Variants in AKAP7 observed in about 807,000 individuals in gnomAD.
The protein encoded by AKAP7 is A kinase (PRKA) anchor protein 7.
A neutral mutation model predicts 39.5 loss-of-function variants in AKAP7; 39 were observed. That is an observed-to-expected ratio of 0.99 (90% CI 0.76 to 1.29). AKAP7 has a LOEUF of 1.29. Among genes scored for constraint, AKAP7 ranks in the 50% most tolerant of loss-of-function variants. AKAP7 has a pLI of 0.00. For missense variants in AKAP7, 414 were observed against 407.7 expected, an observed-to-expected ratio of 1.02 and a Z score of -0.13; for synonymous variants, 140 against 139.1, an observed-to-expected ratio of 1.01 and a Z score of -0.05.
At chr6:131,225,217 C>A (rs917163106) in intron 7 of AKAP7, among the ~76,000 whole-genome samples, 2 of 152,022 alleles carry the variant, frequency 1.3e-5, no homozygotes, top group Non-Finnish European at 2.9e-5. Flanking sequence ...TGTAGTTGGT[C>A]TTCTGTGGCC....
Position 131,193,011 on chromosome 6 carries a change from A to T in AKAP7, c.590-6450A>T, listed in dbSNP as rs188512969. Among the ~76,000 whole-genome samples, 4 of 152,256 alleles carry T rather than the reference A, an allele frequency of 2.6e-5. No homozygotes were observed. In the East Asian group the frequency reaches 7.7e-4, roughly 29 times the overall value. ...TCTTTGGGTTTTTAAAAAATGTAAG[A>T]TCATATCATCTGCAAACAAGGATAA... On this transcript the variant is annotated intron_variant, in intron 5 of 7. Coordinates refer to ENST00000431975, the MANE Select transcript of AKAP7 (RefSeq NM_016377.4).
chr6:131,241,633 A>ACGTATATATGTGTGTGTGTGTG (rs1554217969), intron 7 of AKAP7, among the ~76,000 whole-genome samples: 1 of 78,770 alleles, frequency 1.3e-5, no homozygotes, highest in African/African-American at 5.0e-5. Flanking sequence ...GTGTGTATAT[A>ACGTATATATGTGTGTGTGTGTG]TATATGACAG....
At chr6:131,267,314 T>C (rs925578380) in intron 7 of AKAP7, among the ~76,000 whole-genome samples, 3 of 151,928 alleles carry the variant, frequency 2.0e-5, no homozygotes, top group Non-Finnish European at 4.4e-5. Flanking sequence ...ACATATCTTA[T>C]GTTTTCCCAT....
At chr6:131,146,152 C>T (rs1010441294) in intron 2 of AKAP7, among the ~76,000 whole-genome samples, 1 of 152,182 alleles carries the variant, frequency 6.6e-6, no homozygotes, top group Admixed American at 6.5e-5. Context: ...TGGGCATTAT[C>T]ACTGCCCCAA....
chr6:131,164,434 C>T (rs550009260), intron 3 of AKAP7: 18 of 455,736 alleles, frequency 3.9e-5, no homozygotes, highest in African/African-American at 3.0e-4. Context: ...AGATGGTGGA[C>T]CAGGTCTGTG....
intron 7 of AKAP7, among the ~76,000 whole-genome samples, chr6:131,278,866 T>A (rs1306011653): frequency 6.6e-6 from 1 of 152,090 alleles, no homozygotes; most frequent in Non-Finnish European, 1.5e-5. Context: ...CAGGAAAGGT[T>A]TCATGGAGTA....
At position 131,135,737 on chromosome 6, in the gene AKAP7, G is replaced by C; in HGVS notation, c.-27G>C. 1 of 1,218,746 alleles carries C rather than the reference G, an allele frequency of 8.2e-7. No individual in the cohort carries two copies. Among genetic ancestry groups the C allele is most frequent in the Non-Finnish European group, 1.0e-6 (1 of 981,608 alleles). 75.5% of individuals were successfully genotyped at this position (1,218,746 alleles called of 1,614,324 possible). ...CGCCACCGCCGCTGCCGCCAGCCCAGACGCGCCGCCCGCATGCGCCGCGAC... is the reference window on the plus strand; with the variant it reads ...CGCCACCGCCGCTGCCGCCAGCCCACACGCGCCGCCCGCATGCGCCGCGAC... On this transcript the variant is annotated 5_prime_UTR_variant, in exon 1 of 8. Transcript: ENST00000431975.
chr6:131,141,471 C>G (rs1451740297), intron 1 of AKAP7, among the ~76,000 whole-genome samples: 1 of 152,124 alleles, frequency 6.6e-6, no homozygotes, highest in African/African-American at 2.4e-5. Flanking sequence ...TAGTAATTAC[C>G]CAGCCTCAGG....
chr6:131,230,952 G>A (rs1810575615), intron 7 of AKAP7, among the ~76,000 whole-genome samples: 1 of 152,084 alleles, frequency 6.6e-6, no homozygotes, highest in African/African-American at 2.4e-5. Context: ...TGGATGGGTA[G>A]GGGTGTTGCC....
intron 7 of AKAP7, among the ~76,000 whole-genome samples, chr6:131,252,824 C>T (rs931458867): frequency 2.0e-5 from 3 of 152,140 alleles, no homozygotes; most frequent in Non-Finnish European, 2.9e-5. Flanking sequence ...ATCTTTGTGT[C>T]ATCTCCTAAT....
intron 5 of AKAP7, chr6:131,184,227 T>C (rs1562193553): frequency 7.2e-6 from 3 of 415,038 alleles, no homozygotes. Flanking sequence ...TCTCTGGACT[T>C]GTGAAGGAGA....
At chr6:131,198,686 A>C (rs1457673476) in intron 5 of AKAP7, among the ~76,000 whole-genome samples, 1 of 152,152 alleles carries the variant, frequency 6.6e-6, no homozygotes, top group Admixed American at 6.5e-5. Context: ...TCCTACTTAT[A>C]GAAGGCCTTG....
Position 131,143,229 on chromosome 6 carries a change from A to G in AKAP7, c.20-2056A>G, listed in dbSNP as rs190403679. Among the ~76,000 whole-genome samples the G allele has an allele frequency of 6.6e-5, 10 of 152,222 alleles. No individual in the cohort carries two copies. The East Asian group carries it at 1.7e-3, about 26-fold the overall frequency. Reference sequence around the variant, plus strand: ...AGGTGGCCAGGGGCAGAATGATAATAGTTTTTATGTTTGTCTCCTCCAAAT... The same window carrying G: ...AGGTGGCCAGGGGCAGAATGATAATGGTTTTTATGTTTGTCTCCTCCAAAT... On this transcript the variant is annotated intron_variant, in intron 1 of 7. Coordinates refer to ENST00000431975, the MANE Select transcript of AKAP7 (RefSeq NM_016377.4).
intron 7 of AKAP7, among the ~76,000 whole-genome samples, chr6:131,241,091 G>A (rs1811515443): frequency 6.6e-6 from 1 of 152,194 alleles, no homozygotes; most frequent in African/African-American, 2.4e-5. Context: ...TAGGGAATGG[G>A]AGCCATCAAC....
intron 6 of AKAP7, among the ~76,000 whole-genome samples, chr6:131,211,505 C>T (rs137897916): frequency 0.018 from 2,723 of 152,040 alleles, 52 homozygotes; most frequent in Middle Eastern, 0.054. Context: ...GTGGCTCACG[C>T]CTGTAATCCC....
intron 5 of AKAP7, among the ~76,000 whole-genome samples, chr6:131,196,997 A>G (rs1021538715): frequency 6.6e-6 from 1 of 152,092 alleles, no homozygotes; most frequent in African/African-American, 2.4e-5. Flanking sequence ...TTCAACCCAC[A>G]TCCCAAAGTA....
chr6:131,190,627 G>A (rs1405096859), intron 5 of AKAP7, among the ~76,000 whole-genome samples: 5 of 151,060 alleles, frequency 3.3e-5, no homozygotes, highest in Admixed American at 6.6e-5. Flanking sequence ...CCTGGGTGAC[G>A]GAGCGAGATT....
At chr6:131,247,409 T>C (rs1812122461) in intron 7 of AKAP7, among the ~76,000 whole-genome samples, 1 of 143,454 alleles carries the variant, frequency 7.0e-6, no homozygotes, top group East Asian at 2.2e-4. Flanking sequence ...CACTGCAACC[T>C]CCACCTCCCA....
At chr6:131,136,682 C>G (rs1800570731) in intron 1 of AKAP7, 1 of 167,540 alleles carries the variant, frequency 6.0e-6, no homozygotes, top group South Asian at 1.9e-4. Context: ...GTGGAGGTTA[C>G]TTCCTCCTTT....
Sources: allele counts gnomAD v4.1 joint callset (sites outside exome capture counted in the v4.1 genomes callset), GRCh38; gene constraint gnomAD v4.1.1; transcripts MANE v1.5; gene names NCBI Gene and HGNC (gene_info 2026-07-23, HGNC 2026-07-21).